KREMEN1: variants seen among roughly 807,000 people sequenced by gnomAD.
KREMEN1 encodes kringle containing transmembrane protein 1.
Under a neutral mutation model 46.5 loss-of-function variants are expected in KREMEN1, and 30 were observed. The observed-to-expected ratio is 0.65, with a 90% CI of 0.48 to 0.88. The LOEUF is 0.88. Ranked by LOEUF, KREMEN1 falls within the 40% of genes least tolerant of loss-of-function variation. The pLI is 0.00. For missense variants in KREMEN1, 533 were observed against 596.9 expected, an observed-to-expected ratio of 0.89 and a Z score of 1.11; for synonymous variants, 214 against 230.6, an observed-to-expected ratio of 0.93 and a Z score of 0.65.
intron 3 of KREMEN1, among the ~76,000 whole-genome samples, chr22:29,108,459 G>A (rs181113508): frequency 1.3e-5 from 2 of 152,182 alleles, no homozygotes; most frequent in African/African-American, 2.4e-5. Flanking sequence ...TCTCAGTTGT[G>A]CCTGGGTTTC....
At chr22:29,150,273 C>T (rs1232745859), downstream of KREMEN1, among the ~76,000 whole-genome samples, 3 of 151,926 alleles carry the variant, frequency 2.0e-5, no homozygotes, top group African/African-American at 4.8e-5. Flanking sequence ...CTGTGCAGGA[C>T]GCCCATCTCC....
intron 5 of KREMEN1, chr22:29,133,945 C>T (rs1045990955): frequency 6.6e-6 from 1 of 151,980 alleles, no homozygotes; most frequent in Non-Finnish European, 1.5e-5. Context: ...ATTGACCTGT[C>T]TTCATGTTTA....
At chr22:29,091,888 A>T (rs2037811663) in intron 1 of KREMEN1, among the ~76,000 whole-genome samples, 1 of 152,218 alleles carries the variant, frequency 6.6e-6, no homozygotes, top group Non-Finnish European at 1.5e-5. Flanking sequence ...TAGGGGAAGA[A>T]CATTTTGGGC....
At chr22:29,136,933 C>T (rs146947859) in intron 5 of KREMEN1, among the ~76,000 whole-genome samples, 4 of 152,284 alleles carry the variant, frequency 2.6e-5, no homozygotes, top group Admixed American at 1.3e-4. Context: ...CTGAGTGGTT[C>T]GTGTGCTTTG....
At chr22:29,113,375 C>T (rs76695477) in intron 3 of KREMEN1, among the ~76,000 whole-genome samples, 2,612 of 152,246 alleles carry the variant, frequency 0.017, 78 homozygotes, top group African/African-American at 0.06. Flanking sequence ...GGAATCAAAC[C>T]GTTTTCTGAG....
chr22:29,075,939 A>C (rs1269583338), intron 1 of KREMEN1, among the ~76,000 whole-genome samples: 1 of 152,210 alleles, frequency 6.6e-6, no homozygotes, highest in Non-Finnish European at 1.5e-5. Flanking sequence ...ACTTCTAATT[A>C]CAATGTGTAG....
chr22:29,159,373 CT>C (rs1436023425), intron 9 of KREMEN1, among the ~76,000 whole-genome samples: 1 of 151,432 alleles, frequency 6.6e-6, no homozygotes, highest in Admixed American at 6.6e-5. Context: ...GTAATCCCAG[CT>C]CTTTGGGAGG....
In KREMEN1 at chr22:29,137,699, G is replaced by C. The variant is rs148375964; in HGVS notation, c.964+25G>C. On this transcript the variant is annotated intron_variant, in intron 6 of 8. Transcript: ENST00000400335. Reference sequence around the variant, plus strand: ...GGTAAGACATCTTTGCCTCCTTGGGGGTTCTTCAGGGCCCACGTGCCTTGG... The same window carrying C: ...GGTAAGACATCTTTGCCTCCTTGGGCGTTCTTCAGGGCCCACGTGCCTTGG... The C allele has an allele frequency of 1.7e-3, 2,587 of 1,546,280 alleles. 40 individuals carry two copies. The African/African-American group carries it at 0.028, about 17-fold the overall frequency.
In KREMEN1 at chr22:29,145,814, C is replaced by G; in HGVS notation, c.*3702C>G. ...GCTCTGGCTCAAGACTCCAATCGGCCAGAAGCCCACAGAGATCAAAGCACT... is the reference window on the plus strand; with the variant it reads ...GCTCTGGCTCAAGACTCCAATCGGCGAGAAGCCCACAGAGATCAAAGCACT... On this transcript the variant is annotated 3_prime_UTR_variant, in exon 9 of 9. Transcript: ENST00000400335. 2 of 985,530 alleles carry G rather than the reference C, an allele frequency of 2.0e-6. No individual in the cohort carries two copies. Among genetic ancestry groups the G allele is most frequent in the Non-Finnish European group, 2.4e-6 (2 of 829,962 alleles). The allele number at this position is 985,530 out of a possible 1,614,324, so 61.0% of individuals were successfully genotyped here. A position where few individuals can be genotyped will look rare whatever the true frequency, so the allele number is the denominator to read the frequency against.
At chr22:29,127,103 A>G (rs1174184573) in intron 5 of KREMEN1, among the ~76,000 whole-genome samples, 1 of 152,200 alleles carries the variant, frequency 6.6e-6, no homozygotes, top group Non-Finnish European at 1.5e-5. Context: ...AACAAAGGAA[A>G]TGTTTCTTGA....
chr22:29,122,015 G>C (rs1035395990), intron 4 of KREMEN1, among the ~76,000 whole-genome samples: 3 of 152,084 alleles, frequency 2.0e-5, no homozygotes, highest in Non-Finnish European at 4.4e-5. Context: ...ATAGAGTTAA[G>C]AATATGAAAG....
chr22:29,115,128 C>T lies in KREMEN1; in HGVS notation c.353-6229C>T, dbSNP rs1052242264. Among the ~76,000 whole-genome samples, 50 of 152,100 alleles carry T rather than the reference C, an allele frequency of 3.3e-4. 1 individual carries two copies. The highest frequency in any genetic ancestry group is 3.1e-3 in the Admixed American group (47 of 15,266). ...TACCTTTATCCACTCTAATGGCATT[C>T]GCAGCAACCTGGATGGGATTGGAGA... On this transcript the variant is annotated intron_variant, in intron 3 of 8. Coordinates refer to ENST00000400335, the MANE Select transcript of KREMEN1 (RefSeq NM_001039570.3).
intron 3 of KREMEN1, among the ~76,000 whole-genome samples, chr22:29,120,651 G>GAAGGA (rs1556010274): frequency 6.6e-6 from 1 of 151,876 alleles, no homozygotes. Context: ...GGAAACAGAG[G>GAAGGA]GTGAAATGGT....
At chr22:29,152,744 G>A (rs1461605342) in intron 9 of KREMEN1, among the ~76,000 whole-genome samples, 7 of 151,862 alleles carry the variant, frequency 4.6e-5, no homozygotes, top group Non-Finnish European at 8.8e-5. Flanking sequence ...TCACTCTGTC[G>A]CCCAGGCTGG....
rs1047753050 is a variant in KREMEN1 at position 29,143,511 on chromosome 22, G to A, written c.*1399G>A. 1 of 955,426 alleles carries A rather than the reference G, an allele frequency of 1.0e-6. No homozygotes were observed. The highest frequency in any genetic ancestry group is 1.2e-6 in the Non-Finnish European group (1 of 802,476). 59.2% of individuals were successfully genotyped at this position (955,426 alleles called of 1,614,324 possible). On this transcript the variant is annotated 3_prime_UTR_variant, in exon 9 of 9. Coordinates refer to ENST00000400335, the MANE Select transcript of KREMEN1 (RefSeq NM_001039570.3). ...TAATCCCAGCACTTTGGGAGGCTGA[G>A]GCGGGTGGATCACGAGGTCAGGTGA...
rs558901177 is a variant in KREMEN1, at chr22:29,141,799, G to A, written c.1209-145G>A. 256 of 530,090 alleles carry A rather than the reference G, an allele frequency of 4.8e-4. No homozygotes were observed. In the Middle Eastern group the frequency reaches 7.5e-3, roughly 16 times the overall value. 32.8% of individuals were successfully genotyped at this position (530,090 alleles called of 1,614,324 possible). ...CCCACAGGCCACATTTCAGTTGCACGCTAGTCCTTCAGATCTTTAGAGGTG... is the reference window on the plus strand; with the variant it reads ...CCCACAGGCCACATTTCAGTTGCACACTAGTCCTTCAGATCTTTAGAGGTG... On this transcript the variant is annotated intron_variant, in intron 8 of 8. Transcript: ENST00000400335.
intron 9 of KREMEN1, chr22:29,154,537 C>T (rs1198855468): frequency 6.6e-6 from 1 of 152,338 alleles, no homozygotes; most frequent in African/African-American, 2.4e-5. Flanking sequence ...GCCCAGCTCC[C>T]GCTGCGGCAG....
intron 9 of KREMEN1, among the ~76,000 whole-genome samples, chr22:29,160,294 G>A (rs1054851405): frequency 1.3e-5 from 2 of 151,828 alleles, no homozygotes; most frequent in African/African-American, 4.8e-5. Context: ...ACTTCGGGAG[G>A]CCAAGGCAGG....
chr22:29,113,833 C>T (rs1219794856), intron 3 of KREMEN1, among the ~76,000 whole-genome samples: 7 of 152,220 alleles, frequency 4.6e-5, no homozygotes. Context: ...GGCCCTCCCT[C>T]TTATAGAAGC....
Sources: allele counts gnomAD v4.1 joint callset (sites outside exome capture counted in the v4.1 genomes callset), GRCh38; gene constraint gnomAD v4.1.1; transcripts MANE v1.5; gene names NCBI Gene and HGNC (gene_info 2026-07-23, HGNC 2026-07-21).